The following RBFOX1 variants were observed in gnomAD, a reference collection of about 807,000 sequenced individuals.
The protein encoded by RBFOX1 is RNA binding protein fox-1 homolog 1.
A neutral mutation model predicts 57.7 loss-of-function variants in RBFOX1; 8 were observed. The observed-to-expected ratio is 0.14, with a 90% CI of 0.08 to 0.25. The LOEUF (loss-of-function observed/expected upper bound fraction) is 0.25. Ranked by LOEUF, RBFOX1 falls within the 10% of genes least tolerant of loss-of-function variation. RBFOX1 has a pLI of 1.00. For synonymous variants in RBFOX1, 326 were observed against 222.4 expected (o/e 1.47, Z -4.15); for missense variants, 611 against 548.5 (o/e 1.11, Z -1.14).
chr16:6,771,134 C>T (rs1009651230), intron 3 of RBFOX1, among the ~76,000 whole-genome samples: 22 of 152,030 alleles, frequency 1.4e-4, no homozygotes, highest in African/African-American at 5.3e-4. Flanking sequence ...AGAGAGAATA[C>T]CATATAAACA....
Position 6,840,887 on chromosome 16 carries a change from C to CAAA in RBFOX1, c.-16+186252_-16+186254dup, listed in dbSNP as rs1165695098. 8.7e-3 allele frequency among the ~76,000 whole-genome samples: 398 copies of CAAA among 45,728 alleles called. 5 individuals carry two copies. The highest frequency in any genetic ancestry group is 0.034 in the African/African-American group (327 of 9,628). 30.0% of individuals were successfully genotyped at this position (45,728 alleles called of 152,430 possible). ...GGGCGACGAAAGTGAGACTCTGTCT[C>CAAA]AAAAAAAAAAAAAAAAACGAAAAAA... On this transcript the variant is annotated intron_variant, in intron 3 of 15. Transcript: ENST00000550418.
At chr16:5,458,463 G>A (rs1249218424) in intron 1 of RBFOX1, among the ~76,000 whole-genome samples, 1 of 152,198 alleles carries the variant, frequency 6.6e-6, no homozygotes, top group Admixed American at 6.5e-5. Context: ...ATAATGTATT[G>A]TGCTGTGCAA....
intron 1 of RBFOX1, among the ~76,000 whole-genome samples, chr16:6,179,825 T>G (rs1348437621): frequency 6.6e-6 from 1 of 152,258 alleles, no homozygotes. Context: ...GCAGCGTAGT[T>G]GGGTTTCACC....
At position 7,029,184 on chromosome 16, in the gene RBFOX1, ATATATACACATATGTATACGTATACG is replaced by A. The variant is rs2042066508; in HGVS notation, c.-15-22866_-15-22841del. ...TACACATATATATACGTATACGTGT[ATATATACACATATGTATACGTATACG>A]TATATATATACACACATATATATAC... On this transcript the variant is annotated intron_variant, in intron 3 of 15. Coordinates refer to ENST00000550418, the MANE Select transcript of RBFOX1 (RefSeq NM_018723.4). Among the ~76,000 whole-genome samples the A allele has an allele frequency of 1.1e-4, 7 of 61,326 alleles. 1 individual carries two copies. In the East Asian group the frequency reaches 2.7e-3, roughly 24 times the overall value. The allele number at this position is 61,326 out of a possible 152,430, so 40.2% of individuals were successfully genotyped here. A position where few individuals can be genotyped will look rare whatever the true frequency, so the allele number is the denominator to read the frequency against.
rs577552568 is a variant in RBFOX1 at position 6,052,277 on chromosome 16, C to T, written c.-127+32285C>T. Among the ~76,000 whole-genome samples the T allele has an allele frequency of 3.3e-5, 5 of 152,200 alleles. No homozygotes were observed. In the South Asian group the frequency reaches 1.0e-3, roughly 32 times the overall value. On this transcript the variant is annotated intron_variant, in intron 1 of 15. Coordinates refer to ENST00000550418, the MANE Select transcript of RBFOX1 (RefSeq NM_018723.4). Reference sequence around the variant, plus strand: ...TTACTTCGTTCCTGCTGCTCCCATGCCTGATGTCCCTGTATTCCTCTTCCC... The same window carrying T: ...TTACTTCGTTCCTGCTGCTCCCATGTCTGATGTCCCTGTATTCCTCTTCCC...
At chr16:6,789,110 C>G (rs1204842862) in intron 3 of RBFOX1, among the ~76,000 whole-genome samples, 1 of 151,918 alleles carries the variant, frequency 6.6e-6, no homozygotes, top group Non-Finnish European at 1.5e-5. Flanking sequence ...CCTGAATTTA[C>G]CAGATTAGGA....
At chr16:6,604,034 G>A (rs1412539674) in intron 2 of RBFOX1, among the ~76,000 whole-genome samples, 3 of 151,976 alleles carry the variant, frequency 2.0e-5, no homozygotes, top group African/African-American at 7.3e-5. Context: ...GCTGCCTTTG[G>A]TCTGCTGGGG....
intron 1 of RBFOX1, among the ~76,000 whole-genome samples, chr16:5,389,486 C>T (rs1243206290): frequency 6.6e-6 from 1 of 152,016 alleles, no homozygotes. Context: ...CTCCAGACAT[C>T]GCCAAATGTC....
At chr16:6,791,347 T>C (rs1454973369) in intron 3 of RBFOX1, among the ~76,000 whole-genome samples, 1 of 152,238 alleles carries the variant, frequency 6.6e-6, no homozygotes, top group Non-Finnish European at 1.5e-5. Flanking sequence ...TTTAAAATAC[T>C]TTGCATCAAA....
intron 2 of RBFOX1, among the ~76,000 whole-genome samples, chr16:6,500,105 G>T (rs934071024): frequency 6.6e-6 from 1 of 152,142 alleles, no homozygotes; most frequent in Non-Finnish European, 1.5e-5. Flanking sequence ...ACAAGTTGAA[G>T]GAGCCATTCT....
chr16:6,298,295 C>A (rs4441272), intron 1 of RBFOX1, among the ~76,000 whole-genome samples: 10,160 of 152,194 alleles, frequency 0.067, 571 homozygotes, highest in East Asian at 0.14. Flanking sequence ...TTCTACTGCA[C>A]AGGGTGCTCC....
At chr16:5,982,391 C>T (rs1269690705) in intron 4 of RBFOX1, among the ~76,000 whole-genome samples, 1 of 152,138 alleles carries the variant, frequency 6.6e-6, no homozygotes, top group East Asian at 1.9e-4. Flanking sequence ...TTCCCTTCCT[C>T]AGCCTCCCAA....
intron 2 of RBFOX1, among the ~76,000 whole-genome samples, chr16:6,327,075 TC>T (rs1308694057): frequency 1.2e-4 from 19 of 152,172 alleles, no homozygotes; most frequent in African/African-American, 3.9e-4. Flanking sequence ...CCTGAATGGC[TC>T]TAACATGCAC....
In RBFOX1 at chr16:7,236,133, A is replaced by T. The variant is rs184679939; in HGVS notation, c.27+184035A>T. On this transcript the variant is annotated intron_variant, in intron 4 of 15. Transcript: ENST00000550418. ...ATTAGAGTGTTTTCTTGTTTGTGTCATATCCTGCTCACCTAAACATTGCTA... is the reference window on the plus strand; with the variant it reads ...ATTAGAGTGTTTTCTTGTTTGTGTCTTATCCTGCTCACCTAAACATTGCTA... 1.2e-4 allele frequency among the ~76,000 whole-genome samples: 19 copies of T among 152,306 alleles called. No individual in the cohort carries two copies. The East Asian group carries it at 3.7e-3, about 29-fold the overall frequency.
chr16:6,670,451 T>A (rs2098757152), intron 3 of RBFOX1, among the ~76,000 whole-genome samples: 1 of 152,210 alleles, frequency 6.6e-6, no homozygotes, highest in African/African-American at 2.4e-5. Context: ...TTGACAAATC[T>A]TAATTTTGCC....
At chr16:7,582,741 T>C (rs1214786468) in intron 6 of RBFOX1, among the ~76,000 whole-genome samples, 1 of 152,166 alleles carries the variant, frequency 6.6e-6, no homozygotes, top group Non-Finnish European at 1.5e-5. Context: ...TATCCTGTCT[T>C]TGTCTTCCCA....
At chr16:5,695,924 TA>T (rs2050829684) in intron 3 of RBFOX1, among the ~76,000 whole-genome samples, 1 of 152,130 alleles carries the variant, frequency 6.6e-6, no homozygotes, top group Admixed American at 6.5e-5. Flanking sequence ...ATATATGTAA[TA>T]AAAAATCGAT....
intron 4 of RBFOX1, among the ~76,000 whole-genome samples, chr16:7,305,245 C>G (rs142601882): frequency 2.6e-5 from 4 of 151,926 alleles, no homozygotes; most frequent in Non-Finnish European, 2.9e-5. Flanking sequence ...ACACCTTACT[C>G]TCTGTCTTTC....
intron 3 of RBFOX1, among the ~76,000 whole-genome samples, chr16:7,032,485 T>G (rs542994024): frequency 6.6e-6 from 1 of 152,186 alleles, no homozygotes; most frequent in Non-Finnish European, 1.5e-5. Flanking sequence ...AATCCCATCT[T>G]AATTTTTTAA....
Sources: allele counts gnomAD v4.1 joint callset (sites outside exome capture counted in the v4.1 genomes callset), GRCh38; gene constraint gnomAD v4.1.1; transcripts MANE v1.5; gene names NCBI Gene and HGNC (gene_info 2026-07-23, HGNC 2026-07-21).